The following SPAG16 variants were observed in gnomAD, a reference collection of about 807,000 sequenced individuals.
The protein encoded by SPAG16 is sperm-associated antigen 16 protein.
In SPAG16, 86 loss-of-function variants were observed where a neutral mutation model predicts 80.4. That is an observed-to-expected ratio of 1.07 (90% CI 0.90 to 1.28). The LOEUF is 1.28. Ranked by LOEUF, SPAG16 falls within the 50% of genes most tolerant of loss-of-function variation. The pLI is 0.00. For missense variants in SPAG16, 870 were observed against 765.3 expected, an observed-to-expected ratio of 1.14 and a Z score of -1.61; for synonymous variants, 294 against 265.9, an observed-to-expected ratio of 1.11 and a Z score of -1.03.
chr2:213,949,322 C>T (rs987391526), intron 12 of SPAG16, among the ~76,000 whole-genome samples: 2 of 151,694 alleles, frequency 1.3e-5, no homozygotes. Context: ...AGGTGTGCCA[C>T]CACGCCCAGC....
intron 10 of SPAG16, among the ~76,000 whole-genome samples, chr2:213,817,146 T>C (rs2072593331): frequency 6.6e-6 from 1 of 150,624 alleles, no homozygotes; most frequent in African/African-American, 2.4e-5. Flanking sequence ...CAAAAATAAT[T>C]TGTCAGTACA....
At chr2:213,609,400 G>A (rs1450276329) in intron 10 of SPAG16, among the ~76,000 whole-genome samples, 5 of 152,098 alleles carry the variant, frequency 3.3e-5, no homozygotes, top group Non-Finnish European at 5.9e-5. Flanking sequence ...TGCCTCTGTT[G>A]CCATCTCAGT....
chr2:213,441,364 A>T (rs1001826735), intron 9 of SPAG16, among the ~76,000 whole-genome samples: 1 of 152,210 alleles, frequency 6.6e-6, no homozygotes, highest in Non-Finnish European at 1.5e-5. Flanking sequence ...TTCTATACGC[A>T]TAGTATGGAA....
intron 10 of SPAG16, among the ~76,000 whole-genome samples, chr2:213,601,172 GT>G (rs1442133853): frequency 6.6e-6 from 1 of 152,198 alleles, no homozygotes; most frequent in Non-Finnish European, 1.5e-5. Context: ...ACAGATTTCA[GT>G]CTTTCTTCCT....
At chr2:213,510,475 T>C (rs1457198555) in intron 10 of SPAG16, among the ~76,000 whole-genome samples, 1 of 152,172 alleles carries the variant, frequency 6.6e-6, no homozygotes, top group East Asian at 1.9e-4. Flanking sequence ...TTCAATGAAC[T>C]TTCAATTGTG....
chr2:214,292,338 TAACTA>T (rs1164761491), intron 15 of SPAG16, among the ~76,000 whole-genome samples: 2 of 152,252 alleles, frequency 1.3e-5, no homozygotes, highest in African/African-American at 4.8e-5. Flanking sequence ...AATAGGATCT[TAACTA>T]AACTCTTGTT....
chr2:213,431,756 A>G (rs909556438), intron 9 of SPAG16, among the ~76,000 whole-genome samples: 3 of 152,142 alleles, frequency 2.0e-5, no homozygotes, highest in East Asian at 1.9e-4. Flanking sequence ...TGGACCTAAC[A>G]TACATTTATA....
chr2:214,391,641 C>A (rs1306003805), intron 15 of SPAG16, among the ~76,000 whole-genome samples: 2 of 152,088 alleles, frequency 1.3e-5, no homozygotes, highest in African/African-American at 2.4e-5. Context: ...GATCATGGAG[C>A]GGTAACTGAC....
chr2:213,368,451 C>A (rs188871297), intron 8 of SPAG16, among the ~76,000 whole-genome samples: 1,990 of 152,210 alleles, frequency 0.013, 22 homozygotes, highest in South Asian at 0.037. Flanking sequence ...AACCCACAGC[C>A]AATATCATAC....
intron 15 of SPAG16, among the ~76,000 whole-genome samples, chr2:214,282,705 A>G (rs1037287191): frequency 1.3e-5 from 2 of 152,194 alleles, no homozygotes; most frequent in Non-Finnish European, 2.9e-5. Flanking sequence ...CCTTTGTAAT[A>G]TATCTCCTCA....
chr2:213,297,208 A>T, intron 2 of SPAG16, 54 bp from the exon 3 acceptor site: 1 of 1,505,962 alleles, frequency 6.6e-7, no homozygotes, highest in Non-Finnish European at 9.1e-7. Context: ...AGTGAAATAA[A>T]GTATTTTATA....
intron 15 of SPAG16, among the ~76,000 whole-genome samples, chr2:214,393,360 A>G (rs746062418): frequency 1.3e-5 from 2 of 152,094 alleles, no homozygotes; most frequent in Non-Finnish European, 2.9e-5. Flanking sequence ...CAGGTAGGGA[A>G]GTTTTGTTCA....
At chr2:213,415,735 A>G (rs912529992) in intron 9 of SPAG16, among the ~76,000 whole-genome samples, 5 of 152,088 alleles carry the variant, frequency 3.3e-5, no homozygotes, top group African/African-American at 1.2e-4. Flanking sequence ...TTGGTTTATG[A>G]CGTGAGGGAA....
intron 9 of SPAG16, among the ~76,000 whole-genome samples, chr2:213,377,875 G>A (rs1213097645): frequency 6.4e-5 from 1 of 15,606 alleles, no homozygotes. Context: ...AGAACTAATA[G>A]GATGTGTATA....
chr2:213,293,914 C>T (rs1157108299), intron 1 of SPAG16, among the ~76,000 whole-genome samples: 2 of 152,130 alleles, frequency 1.3e-5, no homozygotes, highest in Admixed American at 6.5e-5. Flanking sequence ...GTTACCTTTT[C>T]ACTTTTATAT....
At chr2:214,254,270 C>A (rs542488957) in intron 15 of SPAG16, among the ~76,000 whole-genome samples, 7 of 152,120 alleles carry the variant, frequency 4.6e-5, no homozygotes, top group African/African-American at 1.7e-4. Context: ...GTTTGAATGC[C>A]CTTTATTTCT....
At chr2:214,185,768 T>G (rs1357271343) in intron 15 of SPAG16, among the ~76,000 whole-genome samples, 1 of 152,094 alleles carries the variant, frequency 6.6e-6, no homozygotes, top group Non-Finnish European at 1.5e-5. Context: ...GGAACAGATG[T>G]ATGGTCATGT....
chr2:213,896,177 C>A (rs983163235), intron 11 of SPAG16, among the ~76,000 whole-genome samples: 1 of 151,690 alleles, frequency 6.6e-6, no homozygotes, highest in African/African-American at 2.4e-5. Flanking sequence ...TACATATGGC[C>A]AAAAGGTATA....
Position 213,490,023 on chromosome 2 carries a change from C to T in SPAG16, c.1003C>T (p.Leu335Phe), listed in dbSNP as rs1336973320. 2 of 1,610,432 alleles carry T rather than the reference C, an allele frequency of 1.2e-6. No homozygotes were observed. Among genetic ancestry groups the T allele is most frequent in the South Asian group, 2.2e-5 (2 of 90,478 alleles). The stretch of plus-strand genomic sequence containing the variant: ...AAACCTGAATGTTTCTAAAGAAAGT[C>T]TTTCTCCAGCAAAATTTGACTACAA... ...NPNLNVSKES[L>F]SPAKFDYKLK... The change falls in exon 10 of 16, where the codon CTT (leucine) becomes TTT (phenylalanine). Residue 335 changes from leucine (L) to phenylalanine (F), a missense_variant. By Grantham distance (22) the Leu-to-Phe change is conservative. Coordinates refer to ENST00000331683, the MANE Select transcript of SPAG16 (RefSeq NM_024532.5).
Sources: gnomAD v4.1 joint callset for allele counts (sites outside exome capture counted in the v4.1 genomes callset) on GRCh38, gnomAD v4.1.1 for gene constraint, MANE v1.5 for transcripts, NCBI Gene and HGNC (gene_info 2026-07-23, HGNC 2026-07-21) for gene names.